POMT2: variants seen among roughly 807,000 people sequenced by gnomAD.
POMT2 encodes protein O-mannosyl-transferase 2.
In POMT2, 75 loss-of-function variants were observed where a neutral mutation model predicts 100.0. The ratio of observed to expected loss-of-function variants is 0.75; its 90% CI spans 0.62 to 0.91. The LOEUF (loss-of-function observed/expected upper bound fraction) is 0.91. Among genes scored for constraint, POMT2 ranks in the 40% least tolerant of loss-of-function variants. The probability of loss-of-function intolerance (pLI) is 0.00; values close to 1 mark genes in which losing one functional copy is unlikely to be tolerated. For synonymous variants in POMT2, 378 were observed against 374.1 expected (o/e 1.01, Z -0.12); for missense variants, 940 against 955.1 (o/e 0.98, Z 0.21).
chr14:77,292,274 C>G (rs184683669), intron 9 of POMT2, among the ~76,000 whole-genome samples: 4 of 152,212 alleles, frequency 2.6e-5, no homozygotes, highest in African/African-American at 9.6e-5. Context: ...TGTTTCAGAG[C>G]ATTTTTTTAG....
At chr14:77,302,378 T>C (rs114317132) in intron 5 of POMT2, among the ~76,000 whole-genome samples, 2 of 152,110 alleles carry the variant, frequency 1.3e-5, no homozygotes, top group Non-Finnish European at 2.9e-5. Context: ...ATGCAACCAC[T>C]GACGAAAGGG....
intron 7 of POMT2, 69 bp from the exon 8 acceptor site, chr14:77,298,840 G>A: frequency 7.2e-7 from 1 of 1,391,814 alleles, no homozygotes; most frequent in Non-Finnish European, 1.0e-6. Flanking sequence ...CAGGAGCGCT[G>A]GGAAGAGCTC....
rs137855581 is a variant in POMT2, at chr14:77,284,599, G to A, written c.1576+351C>T. Among the ~76,000 whole-genome samples, 1,023 of 152,140 alleles carry A rather than the reference G, an allele frequency of 6.7e-3. 12 individuals are homozygous for A. Among genetic ancestry groups the A allele is most frequent in the African/African-American group, 0.023 (962 of 41,486 alleles). ...TTGGCTGGATATGTGGGGGGGCGGGGGAGCGACTCTACACTGAGGCATAAA... is the reference window on the plus strand; with the variant it reads ...TTGGCTGGATATGTGGGGGGGCGGGAGAGCGACTCTACACTGAGGCATAAA... On this transcript the variant is annotated intron_variant, in intron 14 of 20. Transcript: ENST00000261534.
At position 77,320,445 on chromosome 14, in the gene POMT2, C is replaced by A; in HGVS notation, c.237G>T (p.Pro79=). 6.5e-7 allele frequency: 1 copy of A among 1,546,458 alleles called. No individual in the cohort carries two copies. Among genetic ancestry groups the A allele is most frequent in the East Asian group, 2.4e-5 (1 of 40,918 alleles). The change falls in exon 1 of 21, where the codon CCG becomes CCT. Residue 79 remains proline, a synonymous_variant. Transcript: ENST00000261534. ...FATRFHRLDE[P]PHICWDETHF... is the part of the protein sequence containing the mutation. ...CTCCCATCACTCACCAGATGTGCGGCGGCTCGTCCAAGCGGTGGAAGCGGG... is the reference window on the plus strand; with the variant it reads ...CTCCCATCACTCACCAGATGTGCGGAGGCTCGTCCAAGCGGTGGAAGCGGG...
chr14:77,302,343 A>T (rs1891071826), intron 5 of POMT2, among the ~76,000 whole-genome samples: 1 of 152,164 alleles, frequency 6.6e-6, no homozygotes, highest in Admixed American at 6.5e-5. Context: ...TACATATGCT[A>T]TTCCCATCAT....
intron 9 of POMT2, among the ~76,000 whole-genome samples, chr14:77,295,573 A>C (rs997812629): frequency 6.7e-6 from 1 of 150,216 alleles, no homozygotes; most frequent in Non-Finnish European, 1.5e-5. Flanking sequence ...CGGAGTTTGC[A>C]GTAAGCTGAG....
chr14:77,299,725 C>T (rs183771146), intron 6 of POMT2, 164 bp from the exon 7 acceptor site: 1 of 626,460 alleles, frequency 1.6e-6, no homozygotes, highest in Non-Finnish European at 2.9e-6. Flanking sequence ...TTCTGTAACA[C>T]CCACCACCCA....
rs1206233497 is a variant in POMT2 at position 77,301,089 on chromosome 14, C to T, written c.816+1G>A. 1 of 1,614,114 alleles carries T rather than the reference C, an allele frequency of 6.2e-7. No individual in the cohort carries two copies. Among genetic ancestry groups the T allele is most frequent in the Non-Finnish European group, 8.5e-7 (1 of 1,180,002 alleles). ...TCCACAGCAAACCCTTGGGTGCTCACCAATGAAAGACTGAGGTCTCCGAAC... is the reference window on the plus strand; with the variant it reads ...TCCACAGCAAACCCTTGGGTGCTCATCAATGAAAGACTGAGGTCTCCGAAC... On this transcript the variant is annotated splice_donor_variant, in intron 6 of 20. Coordinates refer to ENST00000261534, the MANE Select transcript of POMT2 (RefSeq NM_013382.7). LOFTEE classifies it high-confidence loss of function.
chr14:77,320,378 G>A (rs1891822391), intron 1 of POMT2, 56 bp downstream of exon 1: 1 of 1,541,880 alleles, frequency 6.5e-7, no homozygotes, highest in African/African-American at 1.4e-5. Context: ...GCCAATCAGA[G>A]GGCGGCGTCC....
chr14:77,312,280 A>T, intron 1 of POMT2: 1 of 462,374 alleles, frequency 2.2e-6, no homozygotes, highest in South Asian at 2.2e-5. Context: ...CAATTGAGTT[A>T]AATATACATA....
rs955263774 is a variant in POMT2 at position 77,298,581 on chromosome 14, T to C, written c.1006+108A>G. 7 of 1,158,334 alleles carry C rather than the reference T, an allele frequency of 6.0e-6. No individual in the cohort carries two copies. The African/African-American group carries it at 1.1e-4, about 18-fold the overall frequency. The allele number at this position is 1,158,334 out of a possible 1,614,324, so 71.8% of individuals were successfully genotyped here. On this transcript the variant is annotated intron_variant, in intron 8 of 20. Coordinates refer to ENST00000261534, the MANE Select transcript of POMT2 (RefSeq NM_013382.7). Reference sequence around the variant, plus strand: ...ATCTATCTGGGTCTTTCTCCCACCGTGCCATCACAGGCTAAAATAACCCAA... The same window carrying C: ...ATCTATCTGGGTCTTTCTCCCACCGCGCCATCACAGGCTAAAATAACCCAA...
intron 16 of POMT2, 71 bp from the exon 17 acceptor site, chr14:77,280,151 GA>G (rs936516193): frequency 1.9e-5 from 31 of 1,611,120 alleles, no homozygotes; most frequent in Non-Finnish European, 2.5e-5. Flanking sequence ...GGGGGAGGAA[GA>G]TGGTCACCTT....
chr14:77,288,803 C>T lies in POMT2; in HGVS notation c.1212G>A (p.Glu404=). ...SDPLDPSFPV[E]FVRHGDIIRL... is the part of the protein sequence containing the mutation. ...GAATAATGTCTCCATGTCTTACAAA[C>T]TCCACTGGGAAGGAAGGGTCTAGGG... Residue 404 remains glutamate, a synonymous_variant, in exon 11 of 21, where the codon GAG becomes GAA. Transcript: ENST00000261534. 6.2e-7 allele frequency: 1 copy of T among 1,613,936 alleles called. No homozygotes were observed. The highest frequency in any genetic ancestry group is 1.3e-5 in the African/African-American group (1 of 74,992).
At position 77,299,538 on chromosome 14, in the gene POMT2, A is replaced by C. The variant is rs974324731; in HGVS notation, c.840T>G (p.Thr280=). The change falls in exon 7 of 21, where the codon ACT becomes ACG. Residue 280 remains threonine, a synonymous_variant. Transcript: ENST00000261534. Reference sequence around the variant, plus strand: ...GCACTATGAGGCACAGGACACGAGCAGTCAGGTGTTTTCCCACAGTCACCT... The same window carrying C: ...GCACTATGAGGCACAGGACACGAGCCGTCAGGTGTTTTCCCACAGTCACCT... ...LSLVTVGKHL[T]ARVLCLIVLP... 1 of 1,614,060 alleles carries C rather than the reference A, an allele frequency of 6.2e-7. No homozygotes were observed. Among genetic ancestry groups the C allele is most frequent in the African/African-American group, 1.3e-5 (1 of 74,932 alleles).
At chr14:77,302,279 G>A (rs961005122) in intron 5 of POMT2, among the ~76,000 whole-genome samples, 3 of 152,210 alleles carry the variant, frequency 2.0e-5, no homozygotes, top group Non-Finnish European at 2.9e-5. Flanking sequence ...CTTTAGAACT[G>A]ACCAGGACCT....
chr14:77,311,919 C>G, intron 2 of POMT2, 30 bp downstream of exon 2: 1 of 1,613,246 alleles, frequency 6.2e-7, no homozygotes, highest in Non-Finnish European at 8.5e-7. Flanking sequence ...CCTCTGGGAC[C>G]AGAGAGCTGC....
rs919883819 is a variant in POMT2, at chr14:77,306,218, T to C, written c.438+119A>G. On this transcript the variant is annotated intron_variant, in intron 3 of 20. Transcript: ENST00000261534. ...AGGGTCTGATCATCCTCCCCTCTCCTCACCACCCAAAGTCCCTTTATTTGC... is the reference window on the plus strand; with the variant it reads ...AGGGTCTGATCATCCTCCCCTCTCCCCACCACCCAAAGTCCCTTTATTTGC... The C allele has an allele frequency of 2.6e-6, 4 of 1,526,910 alleles. No homozygotes were observed. The African/African-American group carries it at 5.5e-5, about 21-fold the overall frequency. 94.6% of individuals were successfully genotyped at this position (1,526,910 alleles called of 1,614,324 possible).
At chr14:77,285,187 T>C in intron 13 of POMT2, 146 bp from the exon 14 acceptor site, 1 of 822,140 alleles carries the variant, frequency 1.2e-6, no homozygotes, top group South Asian at 1.5e-5. Context: ...TGGACAACTA[T>C]CCTAGGATAG....
chr14:77,320,305 T>TA lies in POMT2; in HGVS notation c.248+128dup, dbSNP rs1380696005. On this transcript the variant is annotated intron_variant, in intron 1 of 20. Transcript: ENST00000261534. ...CCTCGCCAGAGGCCAACCCACCCGA[T>TA]ACCTCAAGTTCCCCTCCACCGTGGC... 12 of 1,486,074 alleles carry TA rather than the reference T, an allele frequency of 8.1e-6. No homozygotes were observed. The African/African-American group carries it at 1.2e-4, about 15-fold the overall frequency. 92.1% of individuals were successfully genotyped at this position (1,486,074 alleles called of 1,614,324 possible).
Sources: allele counts gnomAD v4.1 joint callset (sites outside exome capture counted in the v4.1 genomes callset), GRCh38; gene constraint gnomAD v4.1.1; transcripts MANE v1.5; gene names NCBI Gene and HGNC (gene_info 2026-07-23, HGNC 2026-07-21).